CSGALNACT1: variants seen among roughly 807,000 people sequenced by gnomAD.
CSGALNACT1 encodes the protein beta4GalNAcT-1.
In CSGALNACT1, 52 loss-of-function variants were observed where a neutral mutation model predicts 51.0. The observed-to-expected ratio is 1.02, with a 90% CI of 0.82 to 1.29. The LOEUF is 1.29. Ranked by LOEUF, CSGALNACT1 falls within the 50% of genes most tolerant of loss-of-function variation. The pLI is 0.00. For missense variants in CSGALNACT1, 935 were observed against 679.2 expected (o/e 1.38, Z -4.19); for synonymous variants, 341 against 254.4 (o/e 1.34, Z -3.24).
intron 3 of CSGALNACT1, among the ~76,000 whole-genome samples, chr8:19,566,393 T>C (rs1260512213): frequency 6.6e-6 from 1 of 152,158 alleles, no homozygotes; most frequent in Non-Finnish European, 1.5e-5. Flanking sequence ...ATCTAGTCTT[T>C]AGAACCATGA....
intron 6 of CSGALNACT1, among the ~76,000 whole-genome samples, chr8:19,435,310 T>G (rs1048735511): frequency 5.3e-5 from 8 of 152,012 alleles, no homozygotes; most frequent in African/African-American, 1.7e-4. Flanking sequence ...CTGGCCAACT[T>G]GGTGAAACCC....
chr8:19,602,132 G>A (rs1183898786), exon 1 of CSGALNACT1: 4 of 178,002 alleles, frequency 2.2e-5, no homozygotes, highest in East Asian at 3.4e-4. Context: ...ATTTTCATGT[G>A]AAAAAGAGCA....
chr8:19,420,594 G>A, intron 6 of CSGALNACT1, 76 bp from the exon 6 acceptor site: 2 of 1,457,864 alleles, frequency 1.4e-6, no homozygotes, highest in South Asian at 2.3e-5. Flanking sequence ...ATGTAATCAG[G>A]GCCCATCCAC....
intron 3 of CSGALNACT1, among the ~76,000 whole-genome samples, chr8:19,542,542 G>T (rs1198598954): frequency 6.6e-6 from 1 of 152,180 alleles, no homozygotes; most frequent in South Asian, 2.1e-4. Context: ...CCCAGGTTCT[G>T]AGTGACACCC....
chr8:19,565,912 A>C (rs2154102853), intron 3 of CSGALNACT1, among the ~76,000 whole-genome samples: 1 of 152,296 alleles, frequency 6.6e-6, no homozygotes, highest in African/African-American at 2.4e-5. Context: ...CTCCATCTCA[A>C]ACAAAAACAA....
intron 8 of CSGALNACT1, among the ~76,000 whole-genome samples, chr8:19,416,017 C>A (rs999170516): frequency 2.6e-5 from 4 of 151,944 alleles, no homozygotes; most frequent in African/African-American, 9.7e-5. Flanking sequence ...AACTCATGTG[C>A]TGCCTAACAA....
intron 5 of CSGALNACT1, among the ~76,000 whole-genome samples, chr8:19,453,729 T>C (rs956515332): frequency 1.6e-4 from 25 of 152,242 alleles, no homozygotes; most frequent in African/African-American, 5.5e-4. Flanking sequence ...CTGGCGAACA[T>C]GGTGAAACCC....
At chr8:19,551,925 GA>G (rs1175057285) in intron 3 of CSGALNACT1, among the ~76,000 whole-genome samples, 1 of 152,022 alleles carries the variant, frequency 6.6e-6, no homozygotes, top group Non-Finnish European at 1.5e-5. Flanking sequence ...TTTCCATCAT[GA>G]AAAAAATTCA....
chr8:19,635,245 C>T (rs1263986387), intron 1 of CSGALNACT1, among the ~76,000 whole-genome samples: 1 of 152,180 alleles, frequency 6.6e-6, no homozygotes. Flanking sequence ...CCTCTGGGCA[C>T]CTGTCTGAAC....
chr8:19,546,008 C>G (rs2086385620), intron 3 of CSGALNACT1, among the ~76,000 whole-genome samples: 1 of 151,754 alleles, frequency 6.6e-6, no homozygotes, highest in African/African-American at 2.4e-5. Flanking sequence ...ACAGATAGCC[C>G]AAGAAAATTT....
intron 1 of CSGALNACT1, among the ~76,000 whole-genome samples, chr8:19,734,500 G>A (rs2063856893): frequency 6.6e-6 from 1 of 152,186 alleles, no homozygotes; most frequent in African/African-American, 2.4e-5. Context: ...TGCGCACATT[G>A]CTGGGCTGAG....
At chr8:19,562,238 C>G (rs1358329372) in intron 3 of CSGALNACT1, among the ~76,000 whole-genome samples, 1 of 152,178 alleles carries the variant, frequency 6.6e-6, no homozygotes, top group South Asian at 2.1e-4. Context: ...TGAAAAGGCT[C>G]TTCATGGTCA....
intron 4 of CSGALNACT1, among the ~76,000 whole-genome samples, chr8:19,465,527 G>T (rs2066475966): frequency 6.6e-6 from 1 of 152,170 alleles, no homozygotes; most frequent in Admixed American, 6.5e-5. Flanking sequence ...CATAACTGCT[G>T]TCCTCTGAAA....
rs1309678280 is a variant in CSGALNACT1, at chr8:19,428,861, GTGTGTGTGTGTGTGTA to G, written c.954-8359_954-8344del. 4.7e-3 allele frequency among the ~76,000 whole-genome samples: 672 copies of G among 142,628 alleles called. 8 individuals are homozygous for G. Among genetic ancestry groups the G allele is most frequent in the African/African-American group, 0.016 (630 of 38,188 alleles). The allele number at this position is 142,628 out of a possible 152,430, so 93.6% of individuals were successfully genotyped here. A position where few individuals can be genotyped will look rare whatever the true frequency, so the allele number is the denominator to read the frequency against. ...TGTGTGTGTGTGTGTGTGTGTGTGT[GTGTGTGTGTGTGTGTA>G]TGCATGCTGTGTATTTATATGTATA... On this transcript the variant is annotated intron_variant, in intron 6 of 9. Coordinates refer to ENST00000454498, the Ensembl canonical transcript of CSGALNACT1.
intron 1 of CSGALNACT1, among the ~76,000 whole-genome samples, chr8:19,621,374 T>C (rs1247049858): frequency 6.6e-6 from 1 of 152,182 alleles, no homozygotes; most frequent in African/African-American, 2.4e-5. Context: ...ATATAACCAA[T>C]TGATTTGTTA....
At chr8:19,701,160 T>TTTTTTTTTTTC (rs1564446268) in intron 1 of CSGALNACT1, among the ~76,000 whole-genome samples, 4 of 140,644 alleles carry the variant, frequency 2.8e-5, no homozygotes, top group Non-Finnish European at 4.6e-5. Context: ...TCCGTTTTTT[T>TTTTTTTTTTTC]TTTTTTTTTT....
intron 1 of CSGALNACT1, among the ~76,000 whole-genome samples, chr8:19,663,681 T>G (rs544198676): frequency 2.8e-4 from 43 of 152,306 alleles, no homozygotes; most frequent in African/African-American, 1.0e-3. Flanking sequence ...GAAAAGTACA[T>G]ACAACATACT....
At chr8:19,678,237 G>A (rs1272469535) in intron 1 of CSGALNACT1, among the ~76,000 whole-genome samples, 1 of 152,118 alleles carries the variant, frequency 6.6e-6, no homozygotes, top group African/African-American at 2.4e-5. Flanking sequence ...TCAGCATACC[G>A]GGGCAAAAAG....
intron 3 of CSGALNACT1, among the ~76,000 whole-genome samples, chr8:19,586,032 C>T (rs1216867549): frequency 1.3e-5 from 2 of 152,088 alleles, no homozygotes; most frequent in Non-Finnish European, 2.9e-5. Flanking sequence ...AACATGAAAC[C>T]AATTCCCTCT....
Sources: allele counts gnomAD v4.1 joint callset (sites outside exome capture counted in the v4.1 genomes callset), GRCh38; gene constraint gnomAD v4.1.1; transcripts MANE v1.5; gene names NCBI Gene and HGNC (gene_info 2026-07-23, HGNC 2026-07-21).